Variants in DGKI observed in about 807,000 individuals in gnomAD.
The protein encoded by DGKI is DAG kinase iota.
Under a neutral mutation model 147.5 loss-of-function variants are expected in DGKI, and 55 were observed. The observed-to-expected ratio is 0.37, with a 90% CI of 0.30 to 0.47. DGKI has a LOEUF of 0.47. DGKI is among the 20% of genes least tolerant of loss of function. The probability of loss-of-function intolerance (pLI) is 1.00; values close to 1 mark genes in which losing one functional copy is unlikely to be tolerated. For missense variants in DGKI, 1,007 were observed against 1,323.8 expected (o/e 0.76, Z 3.71); for synonymous variants, 469 against 477.1 (o/e 0.98, Z 0.22).
intron 22 of DGKI, 32 bp from the exon 23 acceptor site, chr7:137,485,450 C>T (rs1452262462): frequency 6.4e-7 from 1 of 1,570,940 alleles, no homozygotes; most frequent in East Asian, 2.3e-5. Flanking sequence ...AAATCCATAC[C>T]TTAAAATTAG....
At chr7:137,570,465 A>AT (rs1818754216) in intron 19 of DGKI, among the ~76,000 whole-genome samples, 1 of 152,224 alleles carries the variant, frequency 6.6e-6, no homozygotes, top group African/African-American at 2.4e-5. Context: ...CATTTTACTC[A>AT]TAAGTAAGAC....
chr7:137,720,348 C>T (rs1471381320), intron 1 of DGKI, among the ~76,000 whole-genome samples: 2 of 146,978 alleles, frequency 1.4e-5, no homozygotes, highest in African/African-American at 5.0e-5. Flanking sequence ...AGCTCCACCT[C>T]CCGGGTTCAC....
At chr7:137,721,530 C>T (rs1794557114) in intron 1 of DGKI, among the ~76,000 whole-genome samples, 1 of 152,192 alleles carries the variant, frequency 6.6e-6, no homozygotes, top group Non-Finnish European at 1.5e-5. Context: ...ATCATTACCC[C>T]TTTCTTGGAC....
intron 1 of DGKI, among the ~76,000 whole-genome samples, chr7:137,740,417 C>T (rs976597339): frequency 3.3e-5 from 5 of 152,192 alleles, no homozygotes; most frequent in African/African-American, 1.2e-4. Flanking sequence ...GGCCTACAGC[C>T]TGACTGCTTT....
At position 137,465,568 on chromosome 7, in the gene DGKI, A is replaced by T. The variant is rs375241461; in HGVS notation, c.2612+340T>A. On this transcript the variant is annotated intron_variant, in intron 26 of 32. Coordinates refer to ENST00000614521, the MANE Select transcript of DGKI (RefSeq NM_001321708.2). The stretch of plus-strand genomic sequence containing the variant: ...AGCCTGGAAATAGCAAAGAAGAGGA[A>T]GAGGAGAAAATTTGTCAAATCACCT... Among the ~76,000 whole-genome samples, 4 of 152,170 alleles carry T rather than the reference A, an allele frequency of 2.6e-5. No homozygotes were observed. The East Asian group carries it at 7.7e-4, about 29-fold the overall frequency.
chr7:137,395,462 T>G (rs1308354956), intron 32 of DGKI, 136 bp downstream of exon 32: 2 of 710,134 alleles, frequency 2.8e-6, no homozygotes, highest in Non-Finnish European at 2.4e-6. Flanking sequence ...AGCACTCTAT[T>G]TTTTCCTCCT....
chr7:137,820,025 C>T (rs1797853830), intron 1 of DGKI, among the ~76,000 whole-genome samples: 1 of 152,160 alleles, frequency 6.6e-6, no homozygotes, highest in Non-Finnish European at 1.5e-5. Flanking sequence ...TAGTGCATTT[C>T]TCATCATGTG....
At chr7:137,417,184 A>G (rs1436010294) in intron 28 of DGKI, among the ~76,000 whole-genome samples, 1 of 152,206 alleles carries the variant, frequency 6.6e-6, no homozygotes, top group Non-Finnish European at 1.5e-5. Flanking sequence ...ACTCCTTCAT[A>G]CTAAGGAAAC....
At chr7:137,533,549 T>C (rs1165692125) in intron 20 of DGKI, among the ~76,000 whole-genome samples, 2 of 152,122 alleles carry the variant, frequency 1.3e-5, no homozygotes, top group African/African-American at 4.8e-5. Context: ...AATGTATTTA[T>C]AAGACAAGAG....
intron 8 of DGKI, among the ~76,000 whole-genome samples, chr7:137,611,962 C>T (rs1052560956): frequency 3.3e-5 from 5 of 152,192 alleles, no homozygotes; most frequent in Non-Finnish European, 5.9e-5. Context: ...ACACCAAGTG[C>T]TTGCAGGAAC....
chr7:137,533,040 C>T (rs1817394986), intron 20 of DGKI, among the ~76,000 whole-genome samples: 1 of 152,048 alleles, frequency 6.6e-6, no homozygotes, highest in African/African-American at 2.4e-5. Flanking sequence ...TGCAGTGGCA[C>T]CTGTAATTTC....
chr7:137,721,054 T>C (rs1481112780), intron 1 of DGKI, among the ~76,000 whole-genome samples: 1 of 152,160 alleles, frequency 6.6e-6, no homozygotes, highest in Non-Finnish European at 1.5e-5. Context: ...TGGCAACCAT[T>C]ACCAGTCCAT....
intron 28 of DGKI, among the ~76,000 whole-genome samples, chr7:137,424,624 C>T (rs548367178): frequency 6.6e-6 from 1 of 152,262 alleles, no homozygotes; most frequent in African/African-American, 2.4e-5. Context: ...CAGGGAGTTC[C>T]CTTTGCTAGT....
intron 21 of DGKI, among the ~76,000 whole-genome samples, chr7:137,507,466 A>C (rs865874492): frequency 2.2e-4 from 33 of 152,358 alleles, no homozygotes; most frequent in African/African-American, 7.9e-4. Flanking sequence ...CTAAGTGGGC[A>C]ACATAAGGAA....
intron 1 of DGKI, among the ~76,000 whole-genome samples, chr7:137,757,582 T>C (rs1795728304): frequency 6.6e-6 from 1 of 152,208 alleles, no homozygotes; most frequent in African/African-American, 2.4e-5. Flanking sequence ...TGGAAGGGAA[T>C]GGCTCATATT....
intron 28 of DGKI, among the ~76,000 whole-genome samples, chr7:137,440,442 A>G (rs1813455450): frequency 6.6e-6 from 1 of 152,230 alleles, no homozygotes; most frequent in South Asian, 2.1e-4. Context: ...TAACTTACAC[A>G]GTAGTAAATA....
rs533892187 is a variant in DGKI at position 137,525,308 on chromosome 7, T to C, written c.2148-3342A>G. ...CCCAACAACCTACAACAGTTTCCAC[T>C]TTCCCACTAGCAGCAGCTTACTTAA... is the stretch of plus-strand genomic sequence containing the variant. On this transcript the variant is annotated intron_variant, in intron 20 of 32. Transcript: ENST00000614521. Among the ~76,000 whole-genome samples, 101 of 152,302 alleles carry C rather than the reference T, an allele frequency of 6.6e-4. 1 individual carries two copies. The highest frequency in any genetic ancestry group is 4.0e-4 in the Non-Finnish European group (27 of 68,034).
chr7:137,485,399 G>C lies in DGKI; in HGVS notation c.2348C>G (p.Ser783Cys), dbSNP rs1416415201. The C allele has an allele frequency of 6.2e-7, 1 of 1,609,172 alleles. No individual in the cohort carries two copies. Among genetic ancestry groups the C allele is most frequent in the East Asian group, 2.2e-5 (1 of 44,688 alleles). ...RLQEDLQSVS[S>C]GSQRVHYQDH... Reference sequence around the variant, plus strand: ...CTGGTAATGAACTCTCTGGGAGCCAGAAGAAACTGACTGTAGGTCCTAATG... The same window carrying C: ...CTGGTAATGAACTCTCTGGGAGCCACAAGAAACTGACTGTAGGTCCTAATG... The change falls in exon 23 of 33, where the codon TCT (serine) becomes TGT (cysteine). Residue 783 changes from serine (S) to cysteine (C), a missense_variant. Around this residue, in one of 5 missense-constraint regions of DGKI, gnomAD observed 385 missense variants for 445.2 expected, o/e 0.86. Coordinates refer to ENST00000614521, the MANE Select transcript of DGKI (RefSeq NM_001321708.2).
intron 23 of DGKI, among the ~76,000 whole-genome samples, chr7:137,474,865 T>G (rs1815114713): frequency 6.6e-6 from 1 of 152,170 alleles, no homozygotes; most frequent in Admixed American, 6.5e-5. Flanking sequence ...TACCCGCTAC[T>G]CGCTGTGAGA....
Sources: allele counts gnomAD v4.1 joint callset (sites outside exome capture counted in the v4.1 genomes callset), GRCh38; gene constraint gnomAD v4.1.1; regional missense constraint gnomAD v4.1.1; transcripts MANE v1.5; gene names NCBI Gene and HGNC (gene_info 2026-07-23, HGNC 2026-07-21).